DLG2: variants seen among roughly 807,000 people sequenced by gnomAD.
The protein encoded by DLG2 is disks large homolog 2.
Under a neutral mutation model 132.5 loss-of-function variants are expected in DLG2, and 45 were observed. The ratio of observed to expected loss-of-function variants is 0.34; its 90% confidence interval spans 0.27 to 0.44. The LOEUF is 0.44. DLG2 is among the 20% of genes least tolerant of loss of function. The pLI is 1.00. For synonymous variants in DLG2, 424 were observed against 419.6 expected (o/e 1.01, Z -0.13); for missense variants, 1,045 against 1,196.9 (o/e 0.87, Z 1.87).
chr11:83,667,971 G>A (rs575275703), intron 18 of DLG2, among the ~76,000 whole-genome samples: 586 of 22,694 alleles, frequency 0.026, 4 homozygotes, highest in African/African-American at 0.098. Flanking sequence ...GTGAGACTCC[G>A]TCTCAAAAAA....
In DLG2 at chr11:84,777,281, GTATATATATATATATATATATATATATA is replaced by G. The variant is rs71036441; in HGVS notation, c.358-242578_358-242551del. On this transcript the variant is annotated intron_variant, in intron 6 of 27. Coordinates refer to ENST00000376104, the MANE Select transcript of DLG2 (RefSeq NM_001142699.3). ...TGTGTGTGTATGTATATGTGTGTGT[GTATATATATATATATATATATATATATA>G]TATATATATATATATACGTTTTCTT... Among the ~76,000 whole-genome samples, 41 of 95,018 alleles carry G rather than the reference GTATATATATATATATATATATATATATA, an allele frequency of 4.3e-4. 1 individual carries two copies. Among genetic ancestry groups the G allele is most frequent in the African/African-American group, 1.3e-3 (32 of 24,556 alleles). The allele number at this position is 95,018 out of a possible 152,430, so 62.3% of individuals were successfully genotyped here.
chr11:84,740,281 C>T (rs1057109464), intron 6 of DLG2, among the ~76,000 whole-genome samples: 2 of 151,952 alleles, frequency 1.3e-5, no homozygotes, highest in African/African-American at 4.8e-5. Flanking sequence ...CCAAGCAGAT[C>T]AGCACAAAGG....
At chr11:84,777,041 C>G (rs1178149075) in intron 6 of DLG2, among the ~76,000 whole-genome samples, 1 of 151,768 alleles carries the variant, frequency 6.6e-6, no homozygotes, top group African/African-American at 2.4e-5. Context: ...TCATCCAGCT[C>G]TCTCACTTCC....
chr11:85,172,786 T>G (rs141258980), intron 4 of DLG2, among the ~76,000 whole-genome samples: 32 of 152,182 alleles, frequency 2.1e-4, no homozygotes, highest in African/African-American at 7.7e-4. Flanking sequence ...ATAATAGATC[T>G]GATGAAGCTG....
chr11:83,467,787 A>G (rs1350187287), intron 25 of DLG2, among the ~76,000 whole-genome samples: 3 of 98,384 alleles, frequency 3.0e-5, no homozygotes, highest in African/African-American at 5.1e-5. Context: ...ATATATATAT[A>G]TATATATATA....
rs191353923 is a variant in DLG2 at position 83,811,954 on chromosome 11, G to A, written c.1722+21660C>T. Among the ~76,000 whole-genome samples, 10 of 152,208 alleles carry A rather than the reference G, an allele frequency of 6.6e-5. No individual in the cohort carries two copies. In the East Asian group the frequency reaches 1.9e-3, roughly 29 times the overall value. ...TGTAGAAGTGTGAGAGAAAAATGTG[G>A]GAGAAGTGTTTAAAGTGTTCCAAGG... On this transcript the variant is annotated intron_variant, in intron 17 of 27. Transcript: ENST00000376104.
At chr11:84,689,239 T>TA (rs2057729410) in intron 6 of DLG2, among the ~76,000 whole-genome samples, 1 of 152,184 alleles carries the variant, frequency 6.6e-6, no homozygotes, top group South Asian at 2.1e-4. Context: ...CTAGTATTTC[T>TA]GGAGGTAAAA....
rs549077397 is a variant in DLG2 at position 84,824,697 on chromosome 11, T to C, written c.357+286964A>G. ...AGGTTTTGCATCTTGTCAGAGGCTC[T>C]TCAGAGTTGCTTGATGCCACTGGCC... On this transcript the variant is annotated intron_variant, in intron 6 of 27. Transcript: ENST00000376104. Among the ~76,000 whole-genome samples the C allele has an allele frequency of 5.8e-4, 88 of 152,030 alleles. No homozygotes were observed. The South Asian group carries it at 0.017, about 29-fold the overall frequency.
intron 18 of DLG2, among the ~76,000 whole-genome samples, chr11:83,671,428 C>A (rs971683951): frequency 2.0e-5 from 3 of 152,148 alleles, no homozygotes; most frequent in African/African-American, 7.2e-5. Context: ...TACTATTGAG[C>A]CCCTCCTATG....
intron 6 of DLG2, among the ~76,000 whole-genome samples, chr11:84,568,013 A>C (rs2099464103): frequency 6.6e-6 from 1 of 152,190 alleles, no homozygotes; most frequent in South Asian, 2.1e-4. Context: ...AACTGGAGGC[A>C]GTCATATAGC....
chr11:85,599,937 C>T (rs2080035984), intron 2 of DLG2, among the ~76,000 whole-genome samples: 1 of 152,200 alleles, frequency 6.6e-6, no homozygotes, highest in Admixed American at 6.5e-5. Flanking sequence ...CCCTCCTTCC[C>T]TTCCAATCTA....
At chr11:84,594,076 AG>A (rs753719957) in intron 6 of DLG2, among the ~76,000 whole-genome samples, 41 of 152,310 alleles carry the variant, frequency 2.7e-4, no homozygotes, top group Admixed American at 1.3e-4. Context: ...GATGTATCTT[AG>A]AGGAAGGAAA....
At chr11:85,523,539 T>C (rs1198774983) in intron 3 of DLG2, among the ~76,000 whole-genome samples, 5 of 151,984 alleles carry the variant, frequency 3.3e-5, no homozygotes, top group African/African-American at 7.3e-5. Flanking sequence ...AGTTATCATC[T>C]CCCCCATTAA....
At chr11:83,556,382 T>TG (rs1565786443) in intron 19 of DLG2, among the ~76,000 whole-genome samples, 3 of 151,566 alleles carry the variant, frequency 2.0e-5, no homozygotes, top group Admixed American at 6.6e-5. Context: ...TTCTTTCTTT[T>TG]TTTTTTTTGA....
intron 10 of DLG2, among the ~76,000 whole-genome samples, chr11:84,079,028 T>TC (rs1193520597): frequency 6.6e-6 from 1 of 152,208 alleles, no homozygotes; most frequent in Non-Finnish European, 1.5e-5. Flanking sequence ...GATGGTGAAC[T>TC]CTTTGAAAAC....
chr11:83,945,061 T>C (rs73509808), intron 14 of DLG2, among the ~76,000 whole-genome samples: 2,737 of 152,270 alleles, frequency 0.018, 74 homozygotes, highest in African/African-American at 0.062. Flanking sequence ...TGGTCACAAA[T>C]ACCATCACCT....
chr11:84,881,154 C>T (rs896439580), intron 6 of DLG2, among the ~76,000 whole-genome samples: 7 of 152,060 alleles, frequency 4.6e-5, no homozygotes, highest in African/African-American at 1.7e-4. Flanking sequence ...TTAGTAAGTG[C>T]CTGCTGATCA....
intron 3 of DLG2, among the ~76,000 whole-genome samples, chr11:85,517,030 A>C (rs1244614632): frequency 6.6e-6 from 1 of 152,146 alleles, no homozygotes; most frequent in Non-Finnish European, 1.5e-5. Flanking sequence ...ACCCTCAAAA[A>C]ATATGAGAAA....
chr11:84,005,204 T>G (rs2094524840), intron 11 of DLG2, among the ~76,000 whole-genome samples: 1 of 151,916 alleles, frequency 6.6e-6, no homozygotes, highest in African/African-American at 2.4e-5. Flanking sequence ...CACATGTTTA[T>G]AGCCAACTGA....
Sources: allele counts gnomAD v4.1 joint callset (sites outside exome capture counted in the v4.1 genomes callset), GRCh38; gene constraint gnomAD v4.1.1; transcripts MANE v1.5; gene names NCBI Gene and HGNC (gene_info 2026-07-23, HGNC 2026-07-21).